The following IRAK1BP1 variants were observed in gnomAD, a reference collection of about 807,000 sequenced individuals.
The protein encoded by IRAK1BP1 is interleukin-1 receptor-associated kinase 1-binding protein 1.
IRAK1BP1 carries 24 observed loss-of-function variants against 28.0 expected under a neutral mutation model. The observed-to-expected ratio is 0.86, with a 90% CI of 0.62 to 1.20. The LOEUF is 1.20. Ranked by LOEUF, IRAK1BP1 falls within the 50% of genes most tolerant of loss-of-function variation. IRAK1BP1 has a pLI of 0.00. For missense variants in IRAK1BP1, 336 were observed against 316.7 expected, an observed-to-expected ratio of 1.06 and a Z score of -0.46; for synonymous variants, 131 against 116.3, an observed-to-expected ratio of 1.13 and a Z score of -0.81.
intron 4 of IRAK1BP1, among the ~76,000 whole-genome samples, chr6:78,942,540 A>G (rs1773560013): frequency 6.6e-6 from 1 of 152,208 alleles, no homozygotes. Context: ...CAAAGGTCAG[A>G]GCCAAGTACA....
At chr6:78,948,887 C>T (rs116626735), downstream of IRAK1BP1, among the ~76,000 whole-genome samples, 2,956 of 152,286 alleles carry the variant, frequency 0.019, 89 homozygotes, top group African/African-American at 0.067. Context: ...TGATCAAATA[C>T]GTCTGACCAT....
At chr6:78,938,704 AAT>A (rs1773361369) in intron 4 of IRAK1BP1, 3 of 151,718 alleles carry the variant, frequency 2.0e-5, no homozygotes, top group Admixed American at 6.6e-5. Context: ...GAAAAAAATA[AAT>A]ATACAAAAAA....
downstream of IRAK1BP1, among the ~76,000 whole-genome samples, chr6:78,906,706 G>A (rs890417966): frequency 6.6e-6 from 1 of 152,028 alleles, no homozygotes; most frequent in South Asian, 2.1e-4. Flanking sequence ...TACTGATCTT[G>A]GATTAGGGTT....
chr6:78,875,970 T>C (rs1483777239), intron 1 of IRAK1BP1, among the ~76,000 whole-genome samples: 1 of 152,224 alleles, frequency 6.6e-6, no homozygotes, highest in African/African-American at 2.4e-5. Context: ...TTTTTAAATT[T>C]TATTCCTATG....
At chr6:78,923,944 T>C (rs957019380) in intron 4 of IRAK1BP1, among the ~76,000 whole-genome samples, 3 of 152,086 alleles carry the variant, frequency 2.0e-5, no homozygotes, top group African/African-American at 7.2e-5. Context: ...TTTATAGCAC[T>C]AAATGCCCAC....
intron 4 of IRAK1BP1, among the ~76,000 whole-genome samples, chr6:78,934,677 A>AT (rs1773196829): frequency 2.0e-5 from 3 of 152,204 alleles, no homozygotes; most frequent in Admixed American, 6.5e-5. Flanking sequence ...CAGTATACAA[A>AT]TGAGATTATC....
At chr6:78,970,180 G>C in the IRAK1BP1 span, 1 of 1,608,632 alleles carries the variant, frequency 6.2e-7, no homozygotes, top group Non-Finnish European at 8.5e-7. Flanking sequence ...GTTCCTGAGA[G>C]AGACAGAGAA....
At chr6:78,894,923 A>G (rs1771825385) in intron 2 of IRAK1BP1, among the ~76,000 whole-genome samples, 1 of 152,100 alleles carries the variant, frequency 6.6e-6, no homozygotes, top group African/African-American at 2.4e-5. Flanking sequence ...AGCCTGGCCA[A>G]CATGGTGAAA....
rs1771953184 is a variant in IRAK1BP1, at chr6:78,897,977, TTTAAC to T, written c.512+20_512+24del. On this transcript the variant is annotated intron_variant, in intron 3 of 3. Transcript: ENST00000369940. ...AATCTTCGGTAAGTTTAAGCACATC[TTTAAC>T]TAAGATATTCTTTAAACAAAACTAT... 6.2e-7 allele frequency: 1 copy of T among 1,612,306 alleles called. No homozygotes were observed. The highest frequency in any genetic ancestry group is 8.5e-7 in the Non-Finnish European group (1 of 1,179,398).
the IRAK1BP1 span, among the ~76,000 whole-genome samples, chr6:78,977,807 A>G: frequency 2.0e-5 from 3 of 152,212 alleles, no homozygotes; most frequent in Non-Finnish European, 4.4e-5. Flanking sequence ...GGATTTTTAA[A>G]TAAATTCTTT....
intron 4 of IRAK1BP1, among the ~76,000 whole-genome samples, chr6:78,933,494 A>T (rs2127671300): frequency 6.6e-6 from 1 of 152,228 alleles, no homozygotes; most frequent in East Asian, 1.9e-4. Flanking sequence ...AGGCGCCTGT[A>T]ATCCCAGATA....
Position 78,930,654 on chromosome 6 carries a change from G to A in IRAK1BP1, c.*68-14754G>A, listed in dbSNP as rs147997489. On this transcript the variant is annotated intron_variant and NMD_transcript_variant, in intron 4 of 4. Transcript: ENST00000606868. ...CAGAGAAATACAACTGTGTGGCTGGGCACCGTGGCTCACACCTATAATCCC... is the reference window on the plus strand; with the variant it reads ...CAGAGAAATACAACTGTGTGGCTGGACACCGTGGCTCACACCTATAATCCC... Among the ~76,000 whole-genome samples the A allele has an allele frequency of 2.0e-3, 303 of 152,240 alleles. 1 individual carries two copies. The highest frequency in any genetic ancestry group is 6.3e-3 in the African/African-American group (263 of 41,534).
intron 4 of IRAK1BP1, among the ~76,000 whole-genome samples, chr6:78,933,626 A>C (rs964777164): frequency 2.6e-5 from 4 of 152,062 alleles, no homozygotes; most frequent in East Asian, 1.9e-4. Flanking sequence ...AAACAAAAAC[A>C]AAAACCAAAA....
chr6:78,941,496 CTTAT>C (rs1773498443), intron 4 of IRAK1BP1, among the ~76,000 whole-genome samples: 1 of 152,006 alleles, frequency 6.6e-6, no homozygotes, highest in African/African-American at 2.4e-5. Context: ...GTTCAATGAT[CTTAT>C]TTATTTTCTA....
At chr6:78,878,194 C>T (rs1436176258) in intron 1 of IRAK1BP1, among the ~76,000 whole-genome samples, 4 of 152,168 alleles carry the variant, frequency 2.6e-5, no homozygotes, top group Non-Finnish European at 5.9e-5. Context: ...AGACTGCCTC[C>T]TCAAGAGGGT....
chr6:78,877,031 C>G (rs1771026663), intron 1 of IRAK1BP1, among the ~76,000 whole-genome samples: 1 of 152,110 alleles, frequency 6.6e-6, no homozygotes, highest in Non-Finnish European at 1.5e-5. Context: ...GTTTCAGAAA[C>G]AGGTATTCAG....
At chr6:78,917,655 A>T (rs1772596925) in intron 4 of IRAK1BP1, among the ~76,000 whole-genome samples, 1 of 151,540 alleles carries the variant, frequency 6.6e-6, no homozygotes, top group Non-Finnish European at 1.5e-5. Flanking sequence ...AAAAAAAAAA[A>T]ATCTTAAAGG....
the IRAK1BP1 span, among the ~76,000 whole-genome samples, chr6:78,971,607 T>C: frequency 6.6e-6 from 1 of 152,100 alleles, no homozygotes; most frequent in African/African-American, 2.4e-5. Flanking sequence ...TGCATTTCCA[T>C]CTGAGGTAAC....
chr6:78,905,087 A>G (rs948605818), downstream of IRAK1BP1, among the ~76,000 whole-genome samples: 1 of 152,234 alleles, frequency 6.6e-6, no homozygotes, highest in Admixed American at 6.5e-5. Context: ...GAGAATTTAC[A>G]GTATCCCAAA....
Sources: allele counts gnomAD v4.1 joint callset (sites outside exome capture counted in the v4.1 genomes callset), GRCh38; gene constraint gnomAD v4.1.1; transcripts MANE v1.5; gene names NCBI Gene and HGNC (gene_info 2026-07-23, HGNC 2026-07-21).